TSPYL2: variants seen among roughly 807,000 people sequenced by gnomAD.
The protein encoded by TSPYL2 is testis-specific Y-encoded-like protein 2.
TSPYL2 carries 9 observed loss-of-function variants against 33.0 expected under a neutral mutation model. The ratio of observed to expected loss-of-function variants is 0.27; its 90% CI spans 0.16 to 0.48. The LOEUF (loss-of-function observed/expected upper bound fraction) is 0.48, where lower values mean the gene tolerates loss of function less well. Ranked by LOEUF, TSPYL2 falls within the 20% of genes least tolerant of loss-of-function variation. TSPYL2 has a pLI of 0.99. For missense variants in TSPYL2, 636 were observed against 586.2 expected (o/e 1.08, Z -0.88); for synonymous variants, 330 against 233.6 (o/e 1.41, Z -3.77).
rs782317193 is a variant in TSPYL2, at chrX:53,085,339, G to A, written c.1238+18G>A. On this transcript the variant is annotated intron_variant, in intron 5 of 6. Transcript: ENST00000375442. The stretch of plus-strand genomic sequence containing the variant: ...AAGAAACGGTAATGGGAGTTTGGTC[G>A]CTGAGAGGTGGTTTGTTGGGGATGG... 3.0e-5 allele frequency: 35 copies of A among 1,160,883 alleles called. 1 individual carries two copies. Among genetic ancestry groups the A allele is most frequent in the African/African-American group, 1.8e-5 (1 of 55,838 alleles).
intron 2 of TSPYL2, 29 bp from the exon 3 acceptor site, chrX:53,084,726 G>C (rs1556807937): frequency 8.4e-7 from 1 of 1,190,880 alleles, no homozygotes; most frequent in Non-Finnish European, 1.1e-6. Context: ...GGGGGGGACA[G>C]ATTCCACCAT....
chrX:53,082,772 G>T lies in TSPYL2; in HGVS notation c.274G>T (p.Ala92Ser). 2 of 1,195,654 alleles carry T rather than the reference G, an allele frequency of 1.7e-6. No homozygotes were observed. The highest frequency in any genetic ancestry group is 2.3e-4 in the Middle Eastern group (1 of 4,279). ...GGIRAYFTLG[A>S]ECPGWDSTIE... Reference sequence around the variant, plus strand: ...GATCCGCGCATACTTCACGCTCGGTGCTGAGTGTCCCGGCTGGGATTCTAC... The same window carrying T: ...GATCCGCGCATACTTCACGCTCGGTTCTGAGTGTCCCGGCTGGGATTCTAC... Residue 92 changes from alanine to serine, a missense_variant, in exon 1 of 7, where the codon GCT (alanine) becomes TCT (serine). Ala to Ser is a moderately conservative substitution (Grantham distance 99). Transcript: ENST00000375442.
At position 53,085,911 on chromosome X, in the gene TSPYL2, A is replaced by G. The variant is rs868992844; in HGVS notation, c.1519A>G (p.Asn507Asp). 1.2e-5 allele frequency: 15 copies of G among 1,209,372 alleles called. No individual in the cohort carries two copies. The highest frequency in any genetic ancestry group is 3.0e-5 in the East Asian group (1 of 33,805). Residue 507 changes from asparagine (N) to aspartate (D), a missense_variant, in exon 6 of 7, where the codon AAC becomes GAC. By Grantham distance (23) the Asn-to-Asp change is conservative. Transcript: ENST00000375442. The part of the protein sequence containing the change: ...ESADDHETTD[N>D]NESADDNNEN... ...TGCTGATGACCACGAAACCACTGAC[A>G]ACAATGAGAGTGCAGATGACAACAA... is the stretch of plus-strand genomic sequence containing the variant.
rs1556807207 is a variant in TSPYL2, at chrX:53,082,648, G to A, written c.150G>A (p.Glu50=). 8.6e-7 allele frequency: 1 copy of A among 1,156,206 alleles called. No individual in the cohort carries two copies. Among genetic ancestry groups the A allele is most frequent in the Admixed American group, 2.7e-5 (1 of 37,096 alleles). ...CCCAGCAGCGCCCGAGGCTCCAGGA[G>A]GAAACGGAGGCGGCACAGGTGCTGG... is the stretch of plus-strand genomic sequence containing the variant. The part of the protein sequence containing the change: ...PPPQQRPRLQ[E]ETEAAQVLAD... Residue 50 remains glutamate (E), a synonymous_variant, in exon 1 of 7, where the codon GAG becomes GAA. Coordinates refer to ENST00000375442, the MANE Select transcript of TSPYL2 (RefSeq NM_022117.4).
At chrX:53,087,686 C>G (rs1427619747) in intron 6 of TSPYL2, 90 bp from the exon 7 acceptor site, 11 of 1,013,998 alleles carry the variant, frequency 1.1e-5, no homozygotes, top group Non-Finnish European at 1.5e-5. Context: ...AAAACCCTGG[C>G]TATGGTCTCT....
At chrX:53,083,523 G>A (rs1932679967) in intron 1 of TSPYL2, among the ~76,000 whole-genome samples, 1 of 106,734 alleles carries the variant, frequency 9.4e-6, no homozygotes, top group East Asian at 3.0e-4. Context: ...TGGAGGGGGG[G>A]CGGACATAAA....
intron 5 of TSPYL2, 23 bp from the exon 6 acceptor site, chrX:53,085,608 C>T (rs1932749589): frequency 1.7e-6 from 2 of 1,205,992 alleles, no homozygotes; most frequent in African/African-American, 3.5e-5. Flanking sequence ...CAACCCTATA[C>T]TCAGCCACAG....
Position 53,086,323 on chromosome X carries a change from C to CCT in TSPYL2, c.1918+14_1918+15insTC, listed in dbSNP as rs782350716. On this transcript the variant is annotated intron_variant, in intron 6 of 6. Coordinates refer to ENST00000375442, the MANE Select transcript of TSPYL2 (RefSeq NM_022117.4). ...GGCATTGAGGAAGGTGAGCTAATCC[C>CCT]CCCCCACCCTTGTCTTCCCTCTTTT... is the stretch of plus-strand genomic sequence containing the variant. The CCT allele has an allele frequency of 1.9e-5, 22 of 1,147,131 alleles. No individual in the cohort carries two copies. Among genetic ancestry groups the CCT allele is most frequent in the South Asian group, 3.6e-5 (2 of 55,225 alleles). The allele number at this position is 1,147,131 out of a possible 1,213,427, so 94.5% of individuals were successfully genotyped here.
Position 53,083,029 on chromosome X carries a change from G to C in TSPYL2, c.531G>C (p.Glu177Asp), listed in dbSNP as rs782314519. The C allele has an allele frequency of 2.5e-6, 3 of 1,205,265 alleles. No homozygotes were observed. The East Asian group carries it at 8.9e-5, about 36-fold the overall frequency. Reference protein sequence around the residue: ...EAIIIVEDEDEDERESMRSSR... With the variant: ...EAIIIVEDEDDDERESMRSSR... ...TCATCATAGTGGAGGATGAGGATGAGGATGAGCGGGAGAGTATGAGGAGCA... is the reference window on the plus strand; with the variant it reads ...TCATCATAGTGGAGGATGAGGATGACGATGAGCGGGAGAGTATGAGGAGCA... Residue 177 changes from glutamate (E) to aspartate (D), a missense_variant, in exon 1 of 7, where the codon GAG (glutamate) becomes GAC (aspartate). By Grantham distance (45) the Glu-to-Asp change is conservative (BLOSUM62 2). Transcript: ENST00000375442.
At chrX:53,084,405 G>A (rs782025180) in intron 1 of TSPYL2, 140 bp from the exon 2 acceptor site, 76 of 513,487 alleles carry the variant, frequency 1.5e-4, no homozygotes, top group Non-Finnish European at 2.3e-4. Context: ...TATGTCCCAT[G>A]ACTCACTTGC....
chrX:53,087,480 C>G (rs1368737999), intron 6 of TSPYL2: 8 of 268,162 alleles, frequency 3.0e-5, no homozygotes, highest in African/African-American at 1.1e-4. Flanking sequence ...CAGGAAGAGA[C>G]ACACATTGAG....
rs1400492039 is a variant in TSPYL2 at position 53,088,039 on chromosome X, T to TG, written c.*106dup. On this transcript the variant is annotated 3_prime_UTR_variant, in exon 7 of 7. Coordinates refer to ENST00000375442, the MANE Select transcript of TSPYL2 (RefSeq NM_022117.4). ...GCCACGCGGCCCCACATTGCACTTC[T>TG]GGGGGGTGACCGACTTCGTACACGG... 7.9e-5 allele frequency: 67 copies of TG among 844,334 alleles called. No individual in the cohort carries two copies. Among genetic ancestry groups the TG allele is most frequent in the Non-Finnish European group, 1.0e-4 (60 of 592,182 alleles). 69.6% of individuals were successfully genotyped at this position (844,334 alleles called of 1,213,427 possible).
chrX:53,086,064 A>G lies in TSPYL2; in HGVS notation c.1672A>G (p.Ser558Gly). 8.5e-7 allele frequency: 1 copy of G among 1,171,902 alleles called. No homozygotes were observed. The highest frequency in any genetic ancestry group is 1.1e-6 in the Non-Finnish European group (1 of 875,284). Reference protein sequence around the residue: ...FWGSHGNNQDSSDSDNEADEA... With the variant: ...FWGSHGNNQDGSDSDNEADEA... ...GGGCAGCCATGGCAACAACCAGGACAGCAGCGACAGTGACAATGAAGCAGA... is the reference window on the plus strand; with the variant it reads ...GGGCAGCCATGGCAACAACCAGGACGGCAGCGACAGTGACAATGAAGCAGA... Residue 558 changes from serine to glycine, a missense_variant, in exon 6 of 7, where the codon AGC (serine) becomes GGC (glycine). By Grantham distance (56) the Ser-to-Gly change is moderately conservative (BLOSUM62 0). Coordinates refer to ENST00000375442, the MANE Select transcript of TSPYL2 (RefSeq NM_022117.4).
rs1054706191 is a variant in TSPYL2 at position 53,085,905 on chromosome X, A to G, written c.1513A>G (p.Thr505Ala). 8.3e-7 allele frequency: 1 copy of G among 1,211,484 alleles called. No individual in the cohort carries two copies. The highest frequency in any genetic ancestry group is 1.7e-5 in the African/African-American group (1 of 57,771). The part of the protein sequence containing the change: ...NNESADDHET[T>A]DNNESADDNN... ...CGAGAGTGCTGATGACCACGAAACCACTGACAACAATGAGAGTGCAGATGA... is the reference window on the plus strand; with the variant it reads ...CGAGAGTGCTGATGACCACGAAACCGCTGACAACAATGAGAGTGCAGATGA... Residue 505 changes from threonine to alanine, a missense_variant, in exon 6 of 7, where the codon ACT becomes GCT. This residue lies in a region of TSPYL2 where 401 missense variants were observed against 363.0 expected (regional missense o/e 1.10). Coordinates refer to ENST00000375442, the MANE Select transcript of TSPYL2 (RefSeq NM_022117.4).
Position 53,082,479 on chromosome X carries a change from G to A in TSPYL2, c.-20G>A, listed in dbSNP as rs890922980. 3 of 1,144,847 alleles carry A rather than the reference G, an allele frequency of 2.6e-6. No individual in the cohort carries two copies. The highest frequency in any genetic ancestry group is 3.5e-6 in the Non-Finnish European group (3 of 867,269). The allele number at this position is 1,144,847 out of a possible 1,213,427, so 94.3% of individuals were successfully genotyped here. Reference sequence around the variant, plus strand: ...GAAGGGGCGAGTGCGAGTCCCCTGAGCTGTACGAACGCGGTCGCCATGGAC... The same window carrying A: ...GAAGGGGCGAGTGCGAGTCCCCTGAACTGTACGAACGCGGTCGCCATGGAC... On this transcript the variant is annotated 5_prime_UTR_variant, in exon 1 of 7. Transcript: ENST00000375442.
In TSPYL2 at chrX:53,082,400, G is replaced by C; in HGVS notation, c.-99G>C. On this transcript the variant is annotated 5_prime_UTR_variant, in exon 1 of 7. Coordinates refer to ENST00000375442, the MANE Select transcript of TSPYL2 (RefSeq NM_022117.4). ...GTGGTGAGGAGAGCTGGTTGCGTGAGTCTCCTCAGCTCTGCTTACCGGTGC... is the reference window on the plus strand; with the variant it reads ...GTGGTGAGGAGAGCTGGTTGCGTGACTCTCCTCAGCTCTGCTTACCGGTGC... 3.6e-6 allele frequency: 3 copies of C among 838,345 alleles called. No homozygotes were observed. The highest frequency in any genetic ancestry group is 4.8e-6 in the Non-Finnish European group (3 of 624,108). 69.1% of individuals were successfully genotyped at this position (838,345 alleles called of 1,213,427 possible).
Position 53,084,982 on chromosome X carries a change from C to T in TSPYL2, c.1026C>T (p.Ile342=). Residue 342 remains isoleucine (I), a synonymous_variant, in exon 4 of 7, where the codon ATC becomes ATT. Transcript: ENST00000375442. ...SGRLVSHSTP[I]RWHRGQEPQA... ...GGCTGGTGTCTCACTCAACCCCAAT[C>T]CGCTGGCACCGGGGCCAGGAACCCC... The T allele has an allele frequency of 8.3e-7, 1 of 1,211,236 alleles. No individual in the cohort carries two copies. Among genetic ancestry groups the T allele is most frequent in the Non-Finnish European group, 1.1e-6 (1 of 895,196 alleles).
Position 53,085,218 on chromosome X carries a change from T to C in TSPYL2, c.1144-9T>C. The C allele has an allele frequency of 8.4e-7, 1 of 1,197,385 alleles. No individual in the cohort carries two copies. Among genetic ancestry groups the C allele is most frequent in the Non-Finnish European group, 1.1e-6 (1 of 888,265 alleles). On this transcript the variant is annotated splice_polypyrimidine_tract_variant and intron_variant, in intron 4 of 6. Transcript: ENST00000375442. The stretch of plus-strand genomic sequence containing the variant: ...TGGCTGTCTTATTCCTTCTCCCCTT[T>C]TTCAACAGATTATCAAGAATGATCT...
intron 1 of TSPYL2, among the ~76,000 whole-genome samples, chrX:53,083,741 T>C (rs1338564454): frequency 4.5e-5 from 5 of 110,733 alleles, no homozygotes; most frequent in African/African-American, 1.6e-4. Context: ...GCAGAGAAAC[T>C]GCCCAGAAAG....
Sources: allele counts gnomAD v4.1 joint callset (sites outside exome capture counted in the v4.1 genomes callset), GRCh38; gene constraint gnomAD v4.1.1; regional missense constraint gnomAD v4.1.1; transcripts MANE v1.5; gene names NCBI Gene and HGNC (gene_info 2026-07-23, HGNC 2026-07-21).